The following FREY1 variants were observed in gnomAD, a reference collection of about 807,000 sequenced individuals.
The protein encoded by FREY1 is protein Frey 1.
At chr11:45,906,974 C>G in the FREY1 span, 12 of 1,612,000 alleles carry the variant, frequency 7.4e-6, no homozygotes, top group Non-Finnish European at 1.0e-5. Flanking sequence ...TCAGCCCTGG[C>G]CCAGAAGGCC....
chr11:45,907,115 G>A, the FREY1 span: 3 of 1,548,184 alleles, frequency 1.9e-6, no homozygotes, highest in Non-Finnish European at 2.6e-6. Context: ...TCCGGCCCAA[G>A]TGCCCTGCCC....
the FREY1 span, chr11:45,907,183 G>A: frequency 6.4e-7 from 1 of 1,557,396 alleles, no homozygotes; most frequent in Non-Finnish European, 8.7e-7. Context: ...CTGCCAGGAT[G>A]AGGTGGAGGA....
At chr11:45,906,910 G>A in the FREY1 span, 92 of 1,613,832 alleles carry the variant, frequency 5.7e-5, 1 homozygote, top group South Asian at 9.2e-4. Flanking sequence ...TTCCAGGGGG[G>A]CGGAAAATGC....
the FREY1 span, chr11:45,906,543 C>G: frequency 2.6e-6 from 4 of 1,511,996 alleles, no homozygotes; most frequent in Non-Finnish European, 3.5e-6. Context: ...CTTTGTCACA[C>G]ATGGTATCTT....
chr11:45,906,732 G>A, the FREY1 span: 1 of 1,576,782 alleles, frequency 6.3e-7, no homozygotes, highest in Non-Finnish European at 8.6e-7. Context: ...GGGGCAGCTG[G>A]CTCTGATGGA....
chr11:45,906,649 G>A, the FREY1 span: 8 of 1,595,178 alleles, frequency 5.0e-6, no homozygotes, highest in Middle Eastern at 1.7e-4. Context: ...AGGAGGGGTC[G>A]AGGCCCTCGC....
At chr11:45,906,944 T>C in the FREY1 span, 2 of 1,613,560 alleles carry the variant, frequency 1.2e-6, no homozygotes, top group African/African-American at 2.7e-5. Flanking sequence ...CGCTGAGACC[T>C]GTGGGAGATG....
the FREY1 span, chr11:45,907,206 C>T: frequency 3.2e-6 from 5 of 1,556,118 alleles, no homozygotes; most frequent in Middle Eastern, 1.7e-4. Flanking sequence ...AGGCTGAGCC[C>T]AGCCCGGGGG....
the FREY1 span, chr11:45,906,604 C>T: frequency 4.4e-6 from 7 of 1,580,278 alleles, no homozygotes; most frequent in Non-Finnish European, 5.2e-6. Flanking sequence ...TCGGCAAGGT[C>T]GGGCCCGTCC....
At chr11:45,907,112 C>T in the FREY1 span, 2 of 1,547,678 alleles carry the variant, frequency 1.3e-6, no homozygotes, top group Middle Eastern at 1.8e-4. Flanking sequence ...CCATCCGGCC[C>T]AAGTGCCCTG....
At chr11:45,906,861 G>A in the FREY1 span, 8 of 1,613,792 alleles carry the variant, frequency 5.0e-6, no homozygotes, top group South Asian at 6.6e-5. Context: ...GGACAAGAGA[G>A]ATACTACCAT....
the FREY1 span, chr11:45,907,085 G>A: frequency 4.6e-6 from 7 of 1,528,666 alleles, no homozygotes; most frequent in East Asian, 2.4e-5. Flanking sequence ...CCAGAGAGGG[G>A]AGGGGCAGCA....
At chr11:45,906,697 A>G in the FREY1 span, 1 of 1,579,922 alleles carries the variant, frequency 6.3e-7, no homozygotes, top group East Asian at 2.3e-5. Flanking sequence ...TAGTCTAAAG[A>G]GAGAAAAGAG....
At chr11:45,907,096 C>T in the FREY1 span, 2 of 1,536,074 alleles carry the variant, frequency 1.3e-6, no homozygotes, top group Admixed American at 3.9e-5. Context: ...AGGGGCAGCA[C>T]CTCCACCATC....
chr11:45,906,648 C>T, the FREY1 span: 12 of 1,594,714 alleles, frequency 7.5e-6, no homozygotes, highest in South Asian at 5.6e-5. Context: ...CAGGAGGGGT[C>T]GAGGCCCTCG....
At chr11:45,906,911 C>T in the FREY1 span, 1,494 of 1,613,648 alleles carry the variant, frequency 9.3e-4, 3 homozygotes, top group Non-Finnish European at 1.1e-3. Flanking sequence ...TCCAGGGGGG[C>T]GGAAAATGCC....
the FREY1 span, chr11:45,907,133 C>G: frequency 6.4e-7 from 1 of 1,555,654 alleles, no homozygotes; most frequent in Non-Finnish European, 8.7e-7. Flanking sequence ...CCCTCTGTGC[C>G]CCAGGAGTCA....
At chr11:45,906,673 TGG>T in the FREY1 span, 1 of 1,586,596 alleles carries the variant, frequency 6.3e-7, no homozygotes, top group Non-Finnish European at 8.6e-7. Context: ...CTTGGGTGCT[TGG>T]GGAGGATGCC....
chr11:45,907,021 G>T, the FREY1 span: 67 of 1,570,822 alleles, frequency 4.3e-5, 1 homozygote, highest in East Asian at 3.8e-4. Context: ...ATGGCTCAGT[G>T]TGGGGGCACT....
Sources: gnomAD v4.1 joint callset for allele counts on GRCh38, gnomAD v4.1.1 for gene constraint, MANE v1.5 for transcripts, NCBI Gene and HGNC (gene_info 2026-07-23, HGNC 2026-07-21) for gene names.